ATIC: variants seen among roughly 807,000 people sequenced by gnomAD.
ATIC encodes bifunctional purine biosynthesis protein ATIC.
In ATIC, 64 loss-of-function variants were observed where a neutral mutation model predicts 72.5. The ratio of observed to expected loss-of-function variants is 0.88; its 90% CI spans 0.72 to 1.09. The LOEUF (loss-of-function observed/expected upper bound fraction) is 1.09. Ranked by LOEUF, ATIC falls within the 50% of genes least tolerant of loss-of-function variation. ATIC has a pLI of 0.00. For synonymous variants in ATIC, 281 were observed against 267.1 expected, an observed-to-expected ratio of 1.05 and a Z score of -0.51; for missense variants, 787 against 732.4, an observed-to-expected ratio of 1.07 and a Z score of -0.86.
In ATIC at chr2:215,312,125, A is replaced by C. The variant is rs2105983789; in HGVS notation, c.-18A>C. The C allele has an allele frequency of 6.5e-7, 1 of 1,528,894 alleles. No individual in the cohort carries two copies. Among genetic ancestry groups the C allele is most frequent in the Non-Finnish European group, 8.7e-7 (1 of 1,144,372 alleles). 94.7% of individuals were successfully genotyped at this position (1,528,894 alleles called of 1,614,324 possible). ...CCGCTGCTGCCTCCCGCTCGCCCTGAACCCAGTGCCTGCAGCCATGGCTCC... is the reference window on the plus strand; with the variant it reads ...CCGCTGCTGCCTCCCGCTCGCCCTGCACCCAGTGCCTGCAGCCATGGCTCC... On this transcript the variant is annotated 5_prime_UTR_variant, in exon 1 of 16. Transcript: ENST00000236959.
chr2:215,342,530 G>A (rs979695523), intron 12 of ATIC, among the ~76,000 whole-genome samples: 1 of 152,160 alleles, frequency 6.6e-6, no homozygotes, highest in Non-Finnish European at 1.5e-5. Context: ...CAACACTGCA[G>A]TGATCCCTCA....
At chr2:215,359,525 A>C in the ATIC span, among the ~76,000 whole-genome samples, 1 of 152,200 alleles carries the variant, frequency 6.6e-6, no homozygotes, top group African/African-American at 2.4e-5. Flanking sequence ...TTTAAAAAAC[A>C]TACAGAGCAG....
intron 14 of ATIC, 111 bp from the exon 15 acceptor site, chr2:215,348,981 TAA>T: frequency 3.3e-6 from 3 of 909,074 alleles, no homozygotes; most frequent in South Asian, 2.4e-5. Context: ...ATAATAATAA[TAA>T]AAACAAGTCC....
chr2:215,367,109 T>C, the ATIC span, among the ~76,000 whole-genome samples: 1 of 152,204 alleles, frequency 6.6e-6, no homozygotes, highest in Admixed American at 6.5e-5. Context: ...GGCTTATTTA[T>C]AGGCATAACG....
intron 4 of ATIC, among the ~76,000 whole-genome samples, chr2:215,320,812 C>T (rs2052758721): frequency 6.6e-6 from 1 of 152,118 alleles, no homozygotes; most frequent in East Asian, 1.9e-4. Context: ...GAACTCCTGA[C>T]CTCAAATGAT....
At chr2:215,339,433 A>G (rs2052993420) in intron 12 of ATIC, among the ~76,000 whole-genome samples, 1 of 152,060 alleles carries the variant, frequency 6.6e-6, no homozygotes, top group Non-Finnish European at 1.5e-5. Flanking sequence ...AGAGGATTGC[A>G]TGAGTCTGGG....
At chr2:215,359,801 G>A in the ATIC span, among the ~76,000 whole-genome samples, 1 of 151,914 alleles carries the variant, frequency 6.6e-6, no homozygotes, top group Non-Finnish European at 1.5e-5. Context: ...TCTTTGCCAG[G>A]TGTTTATTGA....
At chr2:215,345,911 T>C (rs2053066328) in intron 13 of ATIC, among the ~76,000 whole-genome samples, 2 of 152,176 alleles carry the variant, frequency 1.3e-5, no homozygotes, top group Non-Finnish European at 2.9e-5. Context: ...GGCTGTTCAT[T>C]ATAGGAACTA....
chr2:215,323,867 G>A (rs369661263), intron 4 of ATIC, among the ~76,000 whole-genome samples: 4 of 152,106 alleles, frequency 2.6e-5, no homozygotes, highest in African/African-American at 9.7e-5. Flanking sequence ...TCCGCCTCCC[G>A]GGTTTAAGTG....
the ATIC span, chr2:215,367,820 G>C: frequency 1.2e-6 from 2 of 1,604,296 alleles, no homozygotes; most frequent in South Asian, 2.2e-5. Flanking sequence ...CATGGAACTT[G>C]AGGAGACAAA....
At chr2:215,324,003 C>T (rs1330331687) in intron 4 of ATIC, among the ~76,000 whole-genome samples, 1 of 152,156 alleles carries the variant, frequency 6.6e-6, no homozygotes, top group African/African-American at 2.4e-5. Flanking sequence ...CTCAGTTGAT[C>T]CATCCTCCTG....
downstream of ATIC, among the ~76,000 whole-genome samples, chr2:215,353,577 T>G (rs1479464886): frequency 6.6e-6 from 1 of 152,208 alleles, no homozygotes; most frequent in Non-Finnish European, 1.5e-5. Flanking sequence ...GTTTTGTTTT[T>G]TGAGACAGAT....
chr2:215,312,279 C>A, intron 1 of ATIC, 118 bp downstream of exon 1: 1 of 1,443,584 alleles, frequency 6.9e-7, no homozygotes, highest in South Asian at 1.4e-5. Flanking sequence ...GATTGAAAGC[C>A]AGCGTCCCCG....
At chr2:215,360,082 A>G in the ATIC span, among the ~76,000 whole-genome samples, 141,100 of 152,144 alleles carry the variant, frequency 0.93, 65,446 homozygotes, top group East Asian at 1. Flanking sequence ...GGGACCAAAG[A>G]CGCCCACTGC....
At chr2:215,320,364 C>T (rs2052753738) in intron 4 of ATIC, among the ~76,000 whole-genome samples, 1 of 152,102 alleles carries the variant, frequency 6.6e-6, no homozygotes, top group Non-Finnish European at 1.5e-5. Flanking sequence ...ATACTAGAAG[C>T]TGGGTAATTT....
intron 12 of ATIC, among the ~76,000 whole-genome samples, chr2:215,343,969 C>G (rs1397874370): frequency 6.6e-6 from 1 of 152,152 alleles, no homozygotes; most frequent in Non-Finnish European, 1.5e-5. Flanking sequence ...GGTTTTTGAA[C>G]AGTTTCAACT....
intron 12 of ATIC, among the ~76,000 whole-genome samples, chr2:215,339,585 A>G (rs1203171972): frequency 1.3e-5 from 2 of 151,856 alleles, no homozygotes; most frequent in African/African-American, 4.8e-5. Flanking sequence ...TAGATGTACT[A>G]CGATGGATAT....
chr2:215,337,619 G>A (rs967805854), intron 11 of ATIC, among the ~76,000 whole-genome samples: 2 of 152,106 alleles, frequency 1.3e-5, no homozygotes, highest in African/African-American at 2.4e-5. Flanking sequence ...TGCCCGCCTC[G>A]GCCTCCCAAA....
intron 2 of ATIC, among the ~76,000 whole-genome samples, chr2:215,314,742 C>G (rs1484813128): frequency 2.0e-5 from 3 of 152,010 alleles, no homozygotes; most frequent in Non-Finnish European, 4.4e-5. Flanking sequence ...CTCAAGTGAT[C>G]GCCCGCCTTG....
Sources: gnomAD v4.1 joint callset for allele counts (sites outside exome capture counted in the v4.1 genomes callset) on GRCh38, gnomAD v4.1.1 for gene constraint, MANE v1.5 for transcripts, NCBI Gene and HGNC (gene_info 2026-07-23, HGNC 2026-07-21) for gene names.